The following SLC38A1 variants were observed in gnomAD, a reference collection of about 807,000 sequenced individuals.
The protein encoded by SLC38A1 is solute carrier family 38 member 1.
In SLC38A1, 18 loss-of-function variants were observed where a neutral mutation model predicts 60.3. That is an observed-to-expected ratio of 0.30 (90% CI 0.21 to 0.44). SLC38A1 has a LOEUF of 0.44. SLC38A1 is among the 20% of genes least tolerant of loss of function. The pLI, the probability that SLC38A1 is intolerant of heterozygous loss-of-function variation, is 1.00. For missense variants in SLC38A1, 448 were observed against 587.2 expected, an observed-to-expected ratio of 0.76 and a Z score of 2.45; for synonymous variants, 196 against 212.1, an observed-to-expected ratio of 0.92 and a Z score of 0.66.
chr12:46,197,888 G>A, intron 15 of SLC38A1, 31 bp downstream of exon 15: 1 of 1,610,482 alleles, frequency 6.2e-7, no homozygotes, highest in Non-Finnish European at 8.5e-7. Context: ...AGCTACTGTA[G>A]AATGACAAGC....
intron 5 of SLC38A1, among the ~76,000 whole-genome samples, chr12:46,210,387 A>G (rs1163402810): frequency 1.3e-5 from 2 of 152,146 alleles, no homozygotes; most frequent in African/African-American, 4.8e-5. Flanking sequence ...GAGGCAAAAC[A>G]AACACTAGGA....
chr12:46,196,329 C>A, intron 16 of SLC38A1: 1 of 1,530,138 alleles, frequency 6.5e-7, no homozygotes, highest in Non-Finnish European at 8.7e-7. Flanking sequence ...CATGGCATAC[C>A]ATCCTGGGTC....
At chr12:46,213,392 T>C (rs1372833110) in intron 5 of SLC38A1, among the ~76,000 whole-genome samples, 4 of 152,220 alleles carry the variant, frequency 2.6e-5, no homozygotes, top group Admixed American at 1.3e-4. Flanking sequence ...ATCTTTCAAG[T>C]CTCATGATCT....
At chr12:46,200,969 A>C in intron 13 of SLC38A1, 129 bp downstream of exon 13, 1 of 684,696 alleles carries the variant, frequency 1.5e-6, no homozygotes, top group Non-Finnish European at 2.5e-6. Context: ...AAGTCGAAGA[A>C]AAAACTAGAA....
chr12:46,257,667 G>A (rs549561833), intron 1 of SLC38A1, among the ~76,000 whole-genome samples: 8 of 152,106 alleles, frequency 5.3e-5, no homozygotes, highest in African/African-American at 1.7e-4. Context: ...TTGCTTCTGC[G>A]GTGGCCAGAA....
intron 16 of SLC38A1, among the ~76,000 whole-genome samples, chr12:46,195,232 C>T (rs1189917538): frequency 6.6e-6 from 1 of 151,208 alleles, no homozygotes; most frequent in African/African-American, 2.4e-5. Flanking sequence ...TGGAGGTCCA[C>T]TCCAGAATCT....
chr12:46,268,399 C>A lies in SLC38A1; in HGVS notation c.-209+127G>T, dbSNP rs4447234. ...TCCTAAAAGCAACATCCGAAAGCAT[C>A]GGGCACAGCCGAGCTCTCTCTGCTT... On this transcript the variant is annotated intron_variant, in intron 1 of 16. Coordinates refer to ENST00000398637, the MANE Select transcript of SLC38A1 (RefSeq NM_030674.4). The surrounding 1 kb of genome is among the most constrained non-coding windows in gnomAD (Gnocchi z 4.4). 1 of 152,514 alleles carries A rather than the reference C, an allele frequency of 6.6e-6. No homozygotes were observed. The highest frequency in any genetic ancestry group is 1.5e-5 in the Non-Finnish European group (1 of 68,174). The allele number at this position is 152,514 out of a possible 1,614,324, so 9.4% of individuals were successfully genotyped here. A position where few individuals can be genotyped will look rare whatever the true frequency, so the allele number is the denominator to read the frequency against.
rs111427277 is a variant in SLC38A1 at position 46,252,229 on chromosome 12, C to A, written c.-208-8915G>T. On this transcript the variant is annotated intron_variant, in intron 1 of 16. Transcript: ENST00000398637. ...TGGAAACCATCATTCTCAGCAAACT[C>A]TCACAAGGACAGAAAATCAAACACT... Among the ~76,000 whole-genome samples, 245 of 152,160 alleles carry A rather than the reference C, an allele frequency of 1.6e-3. 1 individual carries two copies. The highest frequency in any genetic ancestry group is 5.4e-3 in the African/African-American group (226 of 41,520).
In SLC38A1 at chr12:46,183,718, G is replaced by A. The variant is rs891851569; in HGVS notation, c.*5252C>T. 2.0e-5 allele frequency: 3 copies of A among 152,172 alleles called. No individual in the cohort carries two copies. The highest frequency in any genetic ancestry group is 7.2e-5 in the African/African-American group (3 of 41,436). The allele number at this position is 152,172 out of a possible 1,614,324, so 9.4% of individuals were successfully genotyped here. On this transcript the variant is annotated 3_prime_UTR_variant, in exon 17 of 17. Transcript: ENST00000398637. ...ATTTGTGTCTAAATATTCCTTACTTGTATCTCAGAGGACTATCTGTTAAAT... is the reference window on the plus strand; with the variant it reads ...ATTTGTGTCTAAATATTCCTTACTTATATCTCAGAGGACTATCTGTTAAAT...
At chr12:46,261,199 C>T (rs1942185890) in intron 1 of SLC38A1, among the ~76,000 whole-genome samples, 2 of 152,140 alleles carry the variant, frequency 1.3e-5, no homozygotes, top group South Asian at 4.1e-4. Flanking sequence ...AAATTCAAGC[C>T]AACTCTTCTG....
chr12:46,241,705 A>G (rs924865801), intron 2 of SLC38A1, among the ~76,000 whole-genome samples: 3 of 152,162 alleles, frequency 2.0e-5, no homozygotes, highest in Admixed American at 6.5e-5. Flanking sequence ...AAAAGCTGAA[A>G]TGAATTAAAA....
At chr12:46,231,905 C>T (rs769815442) in intron 3 of SLC38A1, among the ~76,000 whole-genome samples, 4 of 152,150 alleles carry the variant, frequency 2.6e-5, no homozygotes, top group Non-Finnish European at 5.9e-5. Flanking sequence ...CATGAGCCAC[C>T]GCACCCAGCC....
At chr12:46,256,609 G>A (rs1030948879) in intron 1 of SLC38A1, among the ~76,000 whole-genome samples, 7 of 89,984 alleles carry the variant, frequency 7.8e-5, no homozygotes, top group East Asian at 7.4e-4. Context: ...TTGCGCGCGC[G>A]CGCGCACACA....
chr12:46,206,068 A>G lies in SLC38A1; in HGVS notation c.646+12T>C, dbSNP rs1939883577. 3 of 1,588,550 alleles carry G rather than the reference A, an allele frequency of 1.9e-6. No homozygotes were observed. Among genetic ancestry groups the G allele is most frequent in the Middle Eastern group, 1.7e-4 (1 of 6,006 alleles). The stretch of plus-strand genomic sequence containing the variant: ...CACTGCAGAATATGATAAAAGCAAA[A>G]TCTGTCCTTACCTAAGTTCTTCAAG... On this transcript the variant is annotated intron_variant, in intron 9 of 16. Transcript: ENST00000398637.
chr12:46,228,215 G>A (rs972214899), intron 5 of SLC38A1, among the ~76,000 whole-genome samples: 5 of 152,180 alleles, frequency 3.3e-5, no homozygotes, highest in Admixed American at 1.3e-4. Flanking sequence ...CTAACACAGG[G>A]CAGCATGGAT....
intron 1 of SLC38A1, among the ~76,000 whole-genome samples, chr12:46,256,645 A>AGC (rs1942040439): frequency 2.0e-5 from 3 of 151,360 alleles, no homozygotes; most frequent in Admixed American, 6.6e-5. Flanking sequence ...ACAGAGAGAG[A>AGC]GAGAGAGAGA....
intron 1 of SLC38A1, among the ~76,000 whole-genome samples, chr12:46,263,723 C>A (rs1257912846): frequency 1.3e-5 from 2 of 152,104 alleles, no homozygotes; most frequent in African/African-American, 4.8e-5. Flanking sequence ...AAACTGAGAT[C>A]TACACATTAA....
At chr12:46,195,520 G>A (rs747597671) in intron 16 of SLC38A1, among the ~76,000 whole-genome samples, 11 of 152,248 alleles carry the variant, frequency 7.2e-5, no homozygotes, top group South Asian at 4.1e-4. Flanking sequence ...TGTCTGCTGC[G>A]TTTTTTTCTG....
chr12:46,196,241 A>G (rs1265261303), intron 16 of SLC38A1: 2 of 1,536,090 alleles, frequency 1.3e-6, no homozygotes, highest in African/African-American at 1.4e-5. Flanking sequence ...CTGAGAGCCA[A>G]CAGGGCTGGA....
Sources: gnomAD v4.1 joint callset for allele counts (sites outside exome capture counted in the v4.1 genomes callset) on GRCh38, gnomAD v4.1.1 for gene constraint, Gnocchi (gnomAD v3.1) non-coding constraint, MANE v1.5 for transcripts, NCBI Gene and HGNC (gene_info 2026-07-23, HGNC 2026-07-21) for gene names.